The following MKLN1 variants were observed in gnomAD, a reference collection of about 807,000 sequenced individuals.
The protein encoded by MKLN1 is muskelin 1, also known as muskelin.
MKLN1 carries 18 observed loss-of-function variants against 99.0 expected under a neutral mutation model. The observed-to-expected ratio is 0.18, with a 90% CI of 0.13 to 0.27. The LOEUF (loss-of-function observed/expected upper bound fraction) is 0.27. MKLN1 is among the 10% of genes least tolerant of loss of function. MKLN1 has a pLI of 1.00. For synonymous variants in MKLN1, 288 were observed against 293.2 expected (o/e 0.98, Z 0.18); for missense variants, 621 against 875.9 (o/e 0.71, Z 3.67).
intron 3 of MKLN1, among the ~76,000 whole-genome samples, chr7:131,271,633 A>T (rs1392599886): frequency 6.6e-6 from 1 of 151,226 alleles, no homozygotes; most frequent in Non-Finnish European, 1.5e-5. Flanking sequence ...AAAAAAAAAA[A>T]AAAATTTGGC....
intron 1 of MKLN1, among the ~76,000 whole-genome samples, chr7:131,351,241 C>T (rs1212662552): frequency 6.6e-6 from 1 of 151,756 alleles, no homozygotes; most frequent in African/African-American, 2.4e-5. Flanking sequence ...GAGCAAGACC[C>T]TGTCTCTTTT....
Position 131,478,642 on chromosome 7 carries a change from C to T in MKLN1, c.2051C>T (p.Ala684Val). 2 of 1,466,200 alleles carry T rather than the reference C, an allele frequency of 1.4e-6. No homozygotes were observed. The highest frequency in any genetic ancestry group is 1.3e-5 in the South Asian group (1 of 79,758). The allele number at this position is 1,466,200 out of a possible 1,614,324, so 90.8% of individuals were successfully genotyped here. Residue 684 changes from alanine (A) to valine (V), a missense_variant, in exon 17 of 18, where the codon GCT (alanine) becomes GTT (valine). Physicochemically the swap from Ala to Val is moderately conservative, Grantham distance 64 (BLOSUM62 0). Coordinates refer to ENST00000352689, the MANE Select transcript of MKLN1 (RefSeq NM_013255.5). Reference protein sequence around the residue: ...ETKEFQLLASALFKSGSDFTA... With the variant: ...ETKEFQLLASVLFKSGSDFTA... ...AAACAGTTTCAGCTCCTGGCATCAG[C>T]TCTATTCAAATCTGGTTCAGATTTT...
intron 3 of MKLN1, among the ~76,000 whole-genome samples, chr7:131,313,580 C>G (rs1584908304): frequency 6.6e-6 from 1 of 152,164 alleles, no homozygotes; most frequent in East Asian, 1.9e-4. Flanking sequence ...GCAGTAGTAA[C>G]TTTATATCTC....
rs1797386838 is a variant in MKLN1, at chr7:131,490,077, C to T, written c.*2349C>T. ...TTCATATATCCATGACCAAGATTGA[C>T]ATGTTGCTCACAACATGTCACAATT... On this transcript the variant is annotated 3_prime_UTR_variant, in exon 18 of 18. Transcript: ENST00000352689. The T allele has an allele frequency of 6.6e-6, 1 of 152,564 alleles. No homozygotes were observed. The highest frequency in any genetic ancestry group is 2.4e-5 in the African/African-American group (1 of 41,444). The allele number at this position is 152,564 out of a possible 1,614,324, so 9.5% of individuals were successfully genotyped here. A position where few individuals can be genotyped will look rare whatever the true frequency, so the allele number is the denominator to read the frequency against.
chr7:131,454,332 A>G lies in MKLN1; in HGVS notation c.1525+8429A>G, dbSNP rs547247827. The stretch of plus-strand genomic sequence containing the variant: ...ATCCATTCAAAGAGTTCAGTTTTTT[A>G]TAGCTTAATACAGCTGAGATAAATC... On this transcript the variant is annotated intron_variant, in intron 12 of 17. Transcript: ENST00000352689. Among the ~76,000 whole-genome samples, 7 of 152,340 alleles carry G rather than the reference A, an allele frequency of 4.6e-5. No individual in the cohort carries two copies. In the South Asian group the frequency reaches 1.4e-3, roughly 32 times the overall value.
At chr7:131,278,980 A>C (rs1798012941) in intron 3 of MKLN1, among the ~76,000 whole-genome samples, 1 of 152,194 alleles carries the variant, frequency 6.6e-6, no homozygotes, top group South Asian at 2.1e-4. Flanking sequence ...TTATAATGCC[A>C]CTTTGTAGCT....
intron 3 of MKLN1, among the ~76,000 whole-genome samples, chr7:131,298,227 C>T (rs1798324154): frequency 1.3e-5 from 2 of 151,642 alleles, no homozygotes; most frequent in Non-Finnish European, 2.9e-5. Context: ...GCCGAGATGA[C>T]GCCACTGCAC....
intron 2 of MKLN1, among the ~76,000 whole-genome samples, chr7:131,177,116 A>G (rs1796310037): frequency 1.3e-5 from 2 of 152,124 alleles, no homozygotes; most frequent in Non-Finnish European, 2.9e-5. Flanking sequence ...TTTCTTTTGT[A>G]CCCTACACAA....
chr7:131,161,556 T>G (rs1796048208), intron 2 of MKLN1, among the ~76,000 whole-genome samples: 1 of 152,194 alleles, frequency 6.6e-6, no homozygotes, highest in African/African-American at 2.4e-5. Context: ...CTTTTTTTAT[T>G]TTTTATTTTT....
At chr7:131,431,829 G>T (rs1432591161) in intron 9 of MKLN1, among the ~76,000 whole-genome samples, 2 of 152,178 alleles carry the variant, frequency 1.3e-5, no homozygotes, top group African/African-American at 4.8e-5. Context: ...CCATGTGCCA[G>T]TTAAAGTTGC....
chr7:131,119,257 G>C (rs915632787), intron 1 of MKLN1, among the ~76,000 whole-genome samples: 2 of 152,246 alleles, frequency 1.3e-5, no homozygotes, highest in African/African-American at 4.8e-5. Context: ...AAATCTTAAA[G>C]CTCTAAAATA....
chr7:131,363,108 A>T (rs1488761211), intron 1 of MKLN1, among the ~76,000 whole-genome samples: 2 of 152,012 alleles, frequency 1.3e-5, no homozygotes, highest in Admixed American at 1.3e-4. Flanking sequence ...TGTTTAAACA[A>T]GTTGGTTTTC....
chr7:131,227,097 A>G (rs1797158631), intron 3 of MKLN1, among the ~76,000 whole-genome samples: 1 of 152,162 alleles, frequency 6.6e-6, no homozygotes, highest in Admixed American at 6.5e-5. Flanking sequence ...TATTCCAACC[A>G]TACACTGAGT....
chr7:131,255,943 T>C (rs1235992398), intron 3 of MKLN1, among the ~76,000 whole-genome samples: 3 of 151,080 alleles, frequency 2.0e-5, no homozygotes, highest in African/African-American at 7.3e-5. Flanking sequence ...TCTCGCTCTG[T>C]TTCCTAGGCT....
intron 1 of MKLN1, among the ~76,000 whole-genome samples, chr7:131,138,020 G>T (rs1482313494): frequency 6.6e-6 from 1 of 150,594 alleles, no homozygotes; most frequent in Non-Finnish European, 1.5e-5. Flanking sequence ...CCGCCTCCCG[G>T]GTTCAAGTGA....
chr7:131,439,817 G>C (rs925005643), intron 10 of MKLN1, among the ~76,000 whole-genome samples: 2 of 151,402 alleles, frequency 1.3e-5, no homozygotes, highest in African/African-American at 4.8e-5. Flanking sequence ...CCTTGATGTT[G>C]CTTTGTGTGG....
chr7:131,192,097 T>C (rs117400416), intron 2 of MKLN1, among the ~76,000 whole-genome samples: 44,513 of 76,758 alleles, frequency 0.58, 13,033 homozygotes, highest in East Asian at 0.81. Flanking sequence ...TATATATATA[T>C]GTATATATAT....
chr7:131,231,087 T>C (rs1236259806), intron 3 of MKLN1, among the ~76,000 whole-genome samples: 1 of 114,068 alleles, frequency 8.8e-6, no homozygotes, highest in Admixed American at 1.4e-4. Flanking sequence ...ACCACTGCAC[T>C]CCAGCCTGGG....
chr7:131,295,624 G>C (rs754818574), intron 3 of MKLN1, among the ~76,000 whole-genome samples: 14 of 152,104 alleles, frequency 9.2e-5, no homozygotes, highest in Middle Eastern at 3.4e-3. Context: ...GGTAGTTCAC[G>C]CCTATAATCC....
Sources: allele counts gnomAD v4.1 joint callset (sites outside exome capture counted in the v4.1 genomes callset), GRCh38; gene constraint gnomAD v4.1.1; transcripts MANE v1.5; gene names NCBI Gene and HGNC (gene_info 2026-07-23, HGNC 2026-07-21).